The following HPSE2 variants were observed in gnomAD, a reference collection of about 807,000 sequenced individuals.
The protein encoded by HPSE2 is inactive heparanase-2.
A neutral mutation model predicts 60.5 loss-of-function variants in HPSE2; 38 were observed. That is an observed-to-expected ratio of 0.63 (90% CI 0.48 to 0.82). The LOEUF (loss-of-function observed/expected upper bound fraction) is 0.82. Among genes scored for constraint, HPSE2 ranks in the 40% least tolerant of loss-of-function variants. The pLI, the probability that HPSE2 is intolerant of heterozygous loss-of-function variation, is 0.00. For missense variants in HPSE2, 713 were observed against 740.4 expected (o/e 0.96, Z 0.43); for synonymous variants, 295 against 293.2 (o/e 1.01, Z -0.06).
the HPSE2 span, among the ~76,000 whole-genome samples, chr10:99,254,374 A>G: frequency 2.0e-5 from 3 of 152,186 alleles, no homozygotes; most frequent in Admixed American, 2.0e-4. Flanking sequence ...GATGACAACA[A>G]TAGACACTGG....
At chr10:98,564,264 G>A (rs557807308) in intron 9 of HPSE2, among the ~76,000 whole-genome samples, 2 of 152,172 alleles carry the variant, frequency 1.3e-5, no homozygotes, top group Non-Finnish European at 2.9e-5. Flanking sequence ...AAACCTTCTG[G>A]GCCAAATTCT....
At chr10:99,063,039 G>A (rs993283760) in intron 3 of HPSE2, among the ~76,000 whole-genome samples, 1 of 152,082 alleles carries the variant, frequency 6.6e-6, no homozygotes, top group Non-Finnish European at 1.5e-5. Flanking sequence ...GCCTAGATGT[G>A]AGCCCTTCCT....
At chr10:99,101,835 T>A (rs1448396381) in intron 3 of HPSE2, among the ~76,000 whole-genome samples, 1 of 152,072 alleles carries the variant, frequency 6.6e-6, no homozygotes, top group African/African-American at 2.4e-5. Context: ...GAAACTCACT[T>A]AAAACTGCTC....
chr10:98,894,759 G>A (rs907649886), intron 3 of HPSE2, among the ~76,000 whole-genome samples: 1 of 151,756 alleles, frequency 6.6e-6, no homozygotes. Flanking sequence ...TGATGAAAAC[G>A]TGAATTTTCA....
chr10:98,875,285 C>G (rs1055196740), intron 3 of HPSE2, among the ~76,000 whole-genome samples: 3 of 151,922 alleles, frequency 2.0e-5, no homozygotes, highest in Middle Eastern at 3.4e-3. Flanking sequence ...ACTAACTAGA[C>G]TAATAAAGAA....
chr10:98,489,329 A>G (rs1218009832), intron 10 of HPSE2, among the ~76,000 whole-genome samples: 2 of 152,162 alleles, frequency 1.3e-5, no homozygotes, highest in African/African-American at 4.8e-5. Flanking sequence ...CCAAGCTTAT[A>G]TTTATTGACA....
chr10:98,769,416 C>T (rs1007452467), intron 3 of HPSE2, among the ~76,000 whole-genome samples: 4 of 152,068 alleles, frequency 2.6e-5, no homozygotes, highest in Non-Finnish European at 5.9e-5. Flanking sequence ...AAGATGTTTT[C>T]TTAGGAAGAA....
chr10:98,891,503 C>T (rs1953335284), intron 3 of HPSE2, among the ~76,000 whole-genome samples: 2 of 152,022 alleles, frequency 1.3e-5, no homozygotes, highest in Non-Finnish European at 2.9e-5. Flanking sequence ...GGCTGGAATA[C>T]AGCAGCATGA....
At chr10:98,600,880 T>C (rs1565002719) in intron 9 of HPSE2, among the ~76,000 whole-genome samples, 1 of 136,682 alleles carries the variant, frequency 7.3e-6, no homozygotes, top group African/African-American at 2.7e-5. Flanking sequence ...TATATGTATA[T>C]ATACATATAT....
At chr10:98,648,920 T>C (rs1053492814) in intron 6 of HPSE2, among the ~76,000 whole-genome samples, 7 of 152,176 alleles carry the variant, frequency 4.6e-5, no homozygotes, top group Non-Finnish European at 8.8e-5. Context: ...TGCTTCCTCA[T>C]AGCAACCTGC....
chr10:98,757,851 A>T (rs1297329880), intron 3 of HPSE2, among the ~76,000 whole-genome samples: 2 of 152,184 alleles, frequency 1.3e-5, no homozygotes, highest in African/African-American at 4.8e-5. Context: ...TTTAAAATTC[A>T]TATGGAACAA....
intron 3 of HPSE2, among the ~76,000 whole-genome samples, chr10:98,870,733 A>C (rs563217076): frequency 9.9e-5 from 15 of 152,066 alleles, no homozygotes; most frequent in African/African-American, 3.4e-4. Context: ...TACTTTGAAA[A>C]ATTGTTGTCA....
chr10:98,845,610 T>C (rs1952016181), intron 3 of HPSE2, among the ~76,000 whole-genome samples: 1 of 152,350 alleles, frequency 6.6e-6, no homozygotes, highest in East Asian at 1.9e-4. Context: ...TGTGGAACAA[T>C]CCTCAATTGG....
At chr10:99,033,988 G>GC (rs1349655420) in intron 3 of HPSE2, among the ~76,000 whole-genome samples, 4 of 152,110 alleles carry the variant, frequency 2.6e-5, no homozygotes, top group African/African-American at 9.7e-5. Context: ...TGAATCAAAT[G>GC]CAAGTGAAGT....
At chr10:99,016,026 A>C (rs1957132862) in intron 3 of HPSE2, among the ~76,000 whole-genome samples, 1 of 152,122 alleles carries the variant, frequency 6.6e-6, no homozygotes, top group Admixed American at 6.5e-5. Context: ...TGCTGTGCAG[A>C]AGCTCTTTAG....
At chr10:98,935,832 C>A (rs1432754297) in intron 3 of HPSE2, among the ~76,000 whole-genome samples, 1 of 144,962 alleles carries the variant, frequency 6.9e-6, no homozygotes, top group Non-Finnish European at 1.5e-5. Context: ...GGGAAATCCC[C>A]CTCTTCGGAA....
At chr10:98,582,337 C>T (rs1419557466) in intron 9 of HPSE2, among the ~76,000 whole-genome samples, 1 of 152,128 alleles carries the variant, frequency 6.6e-6, no homozygotes, top group African/African-American at 2.4e-5. Flanking sequence ...AATGTATTTG[C>T]TCTTTTAAAT....
At chr10:99,156,333 T>C (rs930159867) in intron 2 of HPSE2, among the ~76,000 whole-genome samples, 6 of 131,898 alleles carry the variant, frequency 4.5e-5, no homozygotes, top group East Asian at 2.4e-4. Flanking sequence ...TTGATGAACA[T>C]TGACGCAAAA....
chr10:98,848,560 T>C (rs1378429587), intron 3 of HPSE2, among the ~76,000 whole-genome samples: 1 of 152,204 alleles, frequency 6.6e-6, no homozygotes, highest in Non-Finnish European at 1.5e-5. Context: ...TGGTAATTTT[T>C]ATTGCTACAC....
Sources: gnomAD v4.1 joint callset for allele counts (sites outside exome capture counted in the v4.1 genomes callset) on GRCh38, gnomAD v4.1.1 for gene constraint, MANE v1.5 for transcripts, NCBI Gene and HGNC (gene_info 2026-07-23, HGNC 2026-07-21) for gene names.